The following MEP1A variants were observed in gnomAD, a reference collection of about 807,000 sequenced individuals.
The protein encoded by MEP1A is meprin A subunit alpha, also known as N-benzoyl-L-tyrosyl-P-amino-benzoic acid hydrolase subunit alpha.
In MEP1A, 68 loss-of-function variants were observed where a neutral mutation model predicts 84.5. The ratio of observed to expected loss-of-function variants is 0.80; its 90% CI spans 0.66 to 0.98. The LOEUF (loss-of-function observed/expected upper bound fraction) is 0.98, where lower values mean the gene tolerates loss of function less well. MEP1A is among the 50% of genes least tolerant of loss of function. The pLI is 0.00. For synonymous variants in MEP1A, 337 were observed against 336.8 expected, an observed-to-expected ratio of 1.00 and a Z score of -0.01; for missense variants, 887 against 919.9, an observed-to-expected ratio of 0.96 and a Z score of 0.46.
Position 46,799,100 on chromosome 6 carries a change from T to C in MEP1A, c.187-6T>C. On this transcript the variant is annotated splice_region_variant and splice_polypyrimidine_tract_variant and intron_variant, in intron 4 of 13. Coordinates refer to ENST00000230588, the MANE Select transcript of MEP1A (RefSeq NM_005588.3). ...TTCCCACTCACCTTTACCTTTGTTT[T>C]CACAGAAATCCAGAAATGGCCTGAG... 9 of 1,608,298 alleles carry C rather than the reference T, an allele frequency of 5.6e-6. No homozygotes were observed. The highest frequency in any genetic ancestry group is 7.7e-6 in the Non-Finnish European group (9 of 1,174,714).
At chr6:46,826,920 A>T (rs1767961411) in intron 9 of MEP1A, among the ~76,000 whole-genome samples, 1 of 152,212 alleles carries the variant, frequency 6.6e-6, no homozygotes, top group South Asian at 2.1e-4. Flanking sequence ...CGTGAAATTA[A>T]TTGTAATAAT....
At chr6:46,836,968 T>A (rs9463253) in intron 13 of MEP1A, among the ~76,000 whole-genome samples, 2,221 of 152,304 alleles carry the variant, frequency 0.015, 53 homozygotes, top group African/African-American at 0.05. Flanking sequence ...GCCAACAGCA[T>A]GTCCACCAGG....
intron 3 of MEP1A, 54 bp downstream of exon 3, chr6:46,793,770 T>C: frequency 7.9e-7 from 1 of 1,269,484 alleles, no homozygotes; most frequent in Non-Finnish European, 1.1e-6. Flanking sequence ...AACCCAGTGG[T>C]GGGATTACTG....
At chr6:46,800,594 C>T (rs1767179381) in intron 5 of MEP1A, among the ~76,000 whole-genome samples, 2 of 152,130 alleles carry the variant, frequency 1.3e-5, no homozygotes, top group Admixed American at 6.5e-5. Flanking sequence ...GTGAAGGTCA[C>T]CTTTAGTGTT....
chr6:46,809,321 T>G, intron 5 of MEP1A, 99 bp from the exon 6 acceptor site: 1 of 747,910 alleles, frequency 1.3e-6, no homozygotes, highest in Non-Finnish European at 2.1e-6. Context: ...TGCACCTCTG[T>G]GGATTTAATG....
rs139527645 is a variant in MEP1A, at chr6:46,818,626, G to A, written c.381-903G>A. On this transcript the variant is annotated intron_variant, in intron 6 of 13. Transcript: ENST00000230588. Reference sequence around the variant, plus strand: ...TTCAGGGAATCTGACAGAGGTTCCCGAGCCCACTGATTTCAGAGGGACGCT... The same window carrying A: ...TTCAGGGAATCTGACAGAGGTTCCCAAGCCCACTGATTTCAGAGGGACGCT... Among the ~76,000 whole-genome samples the A allele has an allele frequency of 1.4e-4, 21 of 152,210 alleles. No individual in the cohort carries two copies. The East Asian group carries it at 2.7e-3, about 20-fold the overall frequency.
chr6:46,793,457 C>G lies in MEP1A; in HGVS notation c.59C>G (p.Ala20Gly), dbSNP rs767796999. 3 of 1,610,454 alleles carry G rather than the reference C, an allele frequency of 1.9e-6. No individual in the cohort carries two copies. The Admixed American group carries it at 5.1e-5, about 27-fold the overall frequency. Residue 20 changes from alanine (A) to glycine (G), a missense_variant, in exon 1 of 14, where the codon GCA becomes GGA. By Grantham distance (60) the Ala-to-Gly change is moderately conservative. Coordinates refer to ENST00000230588, the MANE Select transcript of MEP1A (RefSeq NM_005588.3). The part of the protein sequence containing the change: ...LFFTLLFAHI[A>G]AVPIKYLPEE... ...TTTACCTTGCTTTTTGCCCACATAGCAGCTGTACCGGTAAGTCGAGTCCTG... is the reference window on the plus strand; with the variant it reads ...TTTACCTTGCTTTTTGCCCACATAGGAGCTGTACCGGTAAGTCGAGTCCTG...
intron 5 of MEP1A, among the ~76,000 whole-genome samples, chr6:46,802,754 A>G (rs1025774470): frequency 2.0e-5 from 3 of 151,830 alleles, no homozygotes; most frequent in African/African-American, 7.2e-5. Context: ...TAGTTGTTAC[A>G]GTGTATCAAA....
chr6:46,835,670 T>C, intron 13 of MEP1A, 121 bp downstream of exon 13: 1 of 1,094,032 alleles, frequency 9.1e-7, no homozygotes, highest in Middle Eastern at 2.9e-4. Context: ...GTCAACTGAA[T>C]GCGGTTTTCT....
At chr6:46,833,978 AT>A (rs35322377) in intron 11 of MEP1A, among the ~76,000 whole-genome samples, 42,414 of 141,426 alleles carry the variant, frequency 0.3, 5,955 homozygotes, top group Middle Eastern at 0.38. Context: ...TGGGCAAACT[AT>A]TTTTTTTTTT....
chr6:46,816,729 T>C (rs1767644651), intron 6 of MEP1A, among the ~76,000 whole-genome samples: 1 of 152,140 alleles, frequency 6.6e-6, no homozygotes, highest in South Asian at 2.1e-4. Context: ...GACTCAGTGC[T>C]GTTGAAGGGG....
intron 4 of MEP1A, 39 bp downstream of exon 4, chr6:46,798,685 A>C: frequency 1.9e-6 from 3 of 1,579,438 alleles, no homozygotes; most frequent in Non-Finnish European, 2.6e-6. Flanking sequence ...TTCTCAGGAC[A>C]GGCAGTACCA....
At chr6:46,809,227 CCCACAACTAATTTTGCAGATGT>C (rs1767432132) in intron 5 of MEP1A, among the ~76,000 whole-genome samples, 171 bp from the exon 6 acceptor site, 1 of 152,008 alleles carries the variant, frequency 6.6e-6, no homozygotes, top group South Asian at 2.1e-4. Flanking sequence ...AATGTTTATG[CCCACAACTAATTTTGCAGATGT>C]CCACAACCAA....
intron 6 of MEP1A, 71 bp from the exon 7 acceptor site, chr6:46,819,458 T>C (rs1767715924): frequency 7.8e-7 from 1 of 1,275,944 alleles, no homozygotes; most frequent in African/African-American, 1.5e-5. Context: ...TAATTTGTGT[T>C]TTGGAGTACT....
chr6:46,844,101 A>G (rs1768378220), downstream of MEP1A, among the ~76,000 whole-genome samples: 2 of 152,208 alleles, frequency 1.3e-5, no homozygotes, highest in South Asian at 2.1e-4. Context: ...TGGTTAAAAC[A>G]TCTTTCTTAT....
chr6:46,831,493 G>T (rs190921241), intron 10 of MEP1A, among the ~76,000 whole-genome samples: 1 of 152,256 alleles, frequency 6.6e-6, no homozygotes, highest in East Asian at 1.9e-4. Flanking sequence ...TCAAACAATC[G>T]TAGTAGCATT....
At chr6:46,830,479 A>G (rs573975084) in intron 10 of MEP1A, among the ~76,000 whole-genome samples, 1 of 152,102 alleles carries the variant, frequency 6.6e-6, no homozygotes, top group African/African-American at 2.4e-5. Flanking sequence ...ATGATTATAG[A>G]TGGAGAAATT....
In MEP1A at chr6:46,806,585, G is replaced by T. The variant is rs537360832; in HGVS notation, c.263-2835G>T. ...AGCAACTGATGTATCTGTTCAGGTT[G>T]CTCAGCCTTCCAATGGCTACTACCT... On this transcript the variant is annotated intron_variant, in intron 5 of 13. Transcript: ENST00000230588. 9.9e-5 allele frequency among the ~76,000 whole-genome samples: 15 copies of T among 152,106 alleles called. No homozygotes were observed. In the South Asian group the frequency reaches 3.1e-3, roughly 32 times the overall value.
chr6:46,794,570 C>G (rs1179042134), intron 3 of MEP1A, among the ~76,000 whole-genome samples: 2 of 152,186 alleles, frequency 1.3e-5, no homozygotes, highest in Non-Finnish European at 2.9e-5. Context: ...GGCTACAAAA[C>G]TAACATACCA....
Sources: allele counts gnomAD v4.1 joint callset (sites outside exome capture counted in the v4.1 genomes callset), GRCh38; gene constraint gnomAD v4.1.1; transcripts MANE v1.5; gene names NCBI Gene and HGNC (gene_info 2026-07-23, HGNC 2026-07-21).